Variants in DHX32 observed in about 807,000 individuals in gnomAD.
The protein encoded by DHX32 is putative pre-mRNA-splicing factor ATP-dependent RNA helicase DHX32.
DHX32 carries 51 observed loss-of-function variants against 70.0 expected under a neutral mutation model. That is an observed-to-expected ratio of 0.73 (90% confidence interval 0.58 to 0.92). The LOEUF is 0.92. DHX32 is among the 40% of genes least tolerant of loss of function. The pLI, the probability that DHX32 is intolerant of heterozygous loss-of-function variation, is 0.00. For missense variants in DHX32, 762 were observed against 891.8 expected, an observed-to-expected ratio of 0.85 and a Z score of 1.85; for synonymous variants, 310 against 315.3, an observed-to-expected ratio of 0.98 and a Z score of 0.18.
chr10:125,868,891 G>A (rs570000138), intron 1 of DHX32, among the ~76,000 whole-genome samples: 7 of 152,158 alleles, frequency 4.6e-5, no homozygotes, highest in Middle Eastern at 3.4e-3. Context: ...GCTTCCCACC[G>A]TGGCAGCCAT....
chr10:125,840,417 A>G (rs1854841456), intron 8 of DHX32, among the ~76,000 whole-genome samples: 1 of 152,218 alleles, frequency 6.6e-6, no homozygotes, highest in Admixed American at 6.5e-5. Flanking sequence ...CTGCACTAGT[A>G]TCTGGAGCTC....
intron 1 of DHX32, among the ~76,000 whole-genome samples, chr10:125,888,995 G>A (rs989564089): frequency 9.2e-5 from 14 of 152,192 alleles, no homozygotes; most frequent in African/African-American, 3.4e-4. Context: ...GGGAGGCGGA[G>A]GTTGCAGTGA....
chr10:125,887,648 T>A (rs1347421591), intron 1 of DHX32, among the ~76,000 whole-genome samples: 1 of 152,194 alleles, frequency 6.6e-6, no homozygotes, highest in Non-Finnish European at 1.5e-5. Context: ...TGTTTTTTTT[T>A]AAATTTTAGA....
At position 125,838,677 on chromosome 10, in the gene DHX32, C is replaced by G. The variant is rs555995890; in HGVS notation, c.1882-290G>C. ...AGATGAAACTTAGCACGCTACCCAC[C>G]ATACTATGGGCGACATACACTCCAA... On this transcript the variant is annotated intron_variant, in intron 9 of 10. Coordinates refer to ENST00000284690, the MANE Select transcript of DHX32 (RefSeq NM_018180.3). Among the ~76,000 whole-genome samples, 7 of 152,252 alleles carry G rather than the reference C, an allele frequency of 4.6e-5. No individual in the cohort carries two copies. In the South Asian group the frequency reaches 1.5e-3, roughly 32 times the overall value.
chr10:125,868,511 T>C (rs1317713015), intron 1 of DHX32, among the ~76,000 whole-genome samples: 1 of 152,228 alleles, frequency 6.6e-6, no homozygotes, highest in Admixed American at 6.5e-5. Flanking sequence ...CTGTAGACTG[T>C]AAATTCCTAA....
intron 9 of DHX32, 61 bp downstream of exon 9, chr10:125,838,940 C>T (rs1443190079): frequency 6.7e-7 from 1 of 1,503,056 alleles, no homozygotes; most frequent in Non-Finnish European, 9.0e-7. Flanking sequence ...TTGTTGGCAG[C>T]ATATCCTGAG....
At chr10:125,891,860 C>G (rs1470884661) in intron 1 of DHX32, among the ~76,000 whole-genome samples, 1 of 152,174 alleles carries the variant, frequency 6.6e-6, no homozygotes, top group African/African-American at 2.4e-5. Flanking sequence ...AGCCCCTCCC[C>G]ACAAGGTAAA....
At chr10:125,869,036 A>T (rs1216832266) in intron 1 of DHX32, among the ~76,000 whole-genome samples, 1 of 152,196 alleles carries the variant, frequency 6.6e-6, no homozygotes. Context: ...TTGAATGAAT[A>T]ATTTCTTATA....
chr10:125,852,721 T>C, intron 4 of DHX32, 79 bp from the exon 5 acceptor site: 3 of 1,280,338 alleles, frequency 2.3e-6, no homozygotes, highest in Non-Finnish European at 3.3e-6. Flanking sequence ...GAGAATATGC[T>C]GCGCAGTACT....
At chr10:125,860,655 TTAAAA>T (rs894584864) in intron 2 of DHX32, among the ~76,000 whole-genome samples, 7 of 152,068 alleles carry the variant, frequency 4.6e-5, no homozygotes, top group African/African-American at 9.7e-5. Context: ...TTTTTTAAAA[TTAAAA>T]TAACCACCTA....
upstream of DHX32, chr10:125,881,325 C>T (rs1944315980): frequency 6.5e-6 from 1 of 153,048 alleles, no homozygotes; most frequent in Non-Finnish European, 1.5e-5. Context: ...TGACCTCTAT[C>T]TCAGGCTCTG....
chr10:125,838,080 G>T, intron 10 of DHX32, 126 bp downstream of exon 10: 1 of 867,506 alleles, frequency 1.2e-6, no homozygotes, highest in Non-Finnish European at 1.7e-6. Context: ...AGTAGGTACT[G>T]TCAACGTAAA....
chr10:125,888,475 A>C (rs1944352136), intron 1 of DHX32, among the ~76,000 whole-genome samples: 1 of 152,150 alleles, frequency 6.6e-6, no homozygotes, highest in South Asian at 2.1e-4. Context: ...AAACTTTATA[A>C]ATATTTTAAG....
chr10:125,836,725 T>C lies in DHX32; in HGVS notation c.2194A>G (p.Thr732Ala). The change falls in exon 11 of 11, where the codon ACG becomes GCG. Residue 732 changes from threonine (T) to alanine (A), a missense_variant. By Grantham distance (58) the Thr-to-Ala change is moderately conservative. Around this residue, in one of 3 missense-constraint regions of DHX32, gnomAD observed 366 missense variants for 402.6 expected, o/e 0.91. Coordinates refer to ENST00000284690, the MANE Select transcript of DHX32 (RefSeq NM_018180.3). ...CATCTCTGTTCAGTTTCAGGGCACG[T>C]CTCACACATTTGCTGTTCCTTATTC... ...TMNKEQQMCE[T>A]CPETEQRCTL... 6.2e-7 allele frequency: 1 copy of C among 1,614,216 alleles called. No individual in the cohort carries two copies.
intron 1 of DHX32, among the ~76,000 whole-genome samples, chr10:125,871,525 G>A (rs193192518): frequency 2.6e-5 from 4 of 152,204 alleles, no homozygotes; most frequent in African/African-American, 9.7e-5. Flanking sequence ...ATAGTTAACA[G>A]TAAGCAATGC....
upstream of DHX32, among the ~76,000 whole-genome samples, chr10:125,882,313 C>T (rs1489471745): frequency 6.6e-6 from 1 of 152,192 alleles, no homozygotes; most frequent in Admixed American, 6.5e-5. Context: ...CTTTTCGGAT[C>T]ACCTGGTTTA....
chr10:125,837,529 G>T (rs1854732576), intron 10 of DHX32, among the ~76,000 whole-genome samples: 1 of 152,182 alleles, frequency 6.6e-6, no homozygotes, highest in Admixed American at 6.5e-5. Flanking sequence ...CTGGGCTCAA[G>T]CGATCCTCTG....
intron 6 of DHX32, chr10:125,842,478 A>T (rs1854909563): frequency 6.6e-6 from 1 of 152,336 alleles, no homozygotes. Context: ...GGAAAACCTC[A>T]TGATTTATGG....
rs562175875 is a variant in DHX32, at chr10:125,838,086, G to T, written c.2063+120C>A. 41 of 942,378 alleles carry T rather than the reference G, an allele frequency of 4.4e-5. No individual in the cohort carries two copies. In the East Asian group the frequency reaches 1.1e-3, roughly 24 times the overall value. The allele number at this position is 942,378 out of a possible 1,614,324, so 58.4% of individuals were successfully genotyped here. On this transcript the variant is annotated intron_variant, in intron 10 of 10. Coordinates refer to ENST00000284690, the MANE Select transcript of DHX32 (RefSeq NM_018180.3). The stretch of plus-strand genomic sequence containing the variant: ...CCTGCCCTTAGTAGGTACTGTCAAC[G>T]TAAATTAAGATTGCATCAGTATAAA...
Sources: allele counts gnomAD v4.1 joint callset (sites outside exome capture counted in the v4.1 genomes callset), GRCh38; gene constraint gnomAD v4.1.1; regional missense constraint gnomAD v4.1.1; transcripts MANE v1.5; gene names NCBI Gene and HGNC (gene_info 2026-07-23, HGNC 2026-07-21).